The following SH3RF3 variants were observed in gnomAD, a reference collection of about 807,000 sequenced individuals.
SH3RF3 encodes E3 ubiquitin-protein ligase SH3RF3.
SH3RF3 carries 29 observed loss-of-function variants against 66.3 expected under a neutral mutation model. The ratio of observed to expected loss-of-function variants is 0.44; its 90% CI spans 0.33 to 0.60. The LOEUF is 0.60. Ranked by LOEUF, SH3RF3 falls within the 20% of genes least tolerant of loss-of-function variation. The pLI, the probability that SH3RF3 is intolerant of heterozygous loss-of-function variation, is 0.04. For synonymous variants in SH3RF3, 583 were observed against 532.0 expected (o/e 1.10, Z -1.32); for missense variants, 1,194 against 1,190.9 (o/e 1.00, Z -0.04).
intron 1 of SH3RF3, among the ~76,000 whole-genome samples, chr2:109,306,962 A>G (rs892092856): frequency 3.9e-5 from 6 of 152,210 alleles, no homozygotes; most frequent in African/African-American, 1.4e-4. Flanking sequence ...TTTTTGCTCA[A>G]TTGCTTGCCG....
chr2:109,486,333 T>C (rs1159436192), intron 8 of SH3RF3, among the ~76,000 whole-genome samples: 1 of 152,168 alleles, frequency 6.6e-6, no homozygotes, highest in South Asian at 2.1e-4. Flanking sequence ...TGATTGTTTC[T>C]TTGTATACAG....
At chr2:109,348,191 A>G (rs1350387317) in intron 2 of SH3RF3, among the ~76,000 whole-genome samples, 1 of 152,244 alleles carries the variant, frequency 6.6e-6, no homozygotes, top group Non-Finnish European at 1.5e-5. Context: ...GCCCAGAGCT[A>G]CATAGGAGCT....
intron 8 of SH3RF3, among the ~76,000 whole-genome samples, chr2:109,479,840 C>A (rs770911394): frequency 2.6e-5 from 4 of 152,136 alleles, no homozygotes; most frequent in African/African-American, 4.8e-5. Flanking sequence ...ATGAAGACCC[C>A]GGGACTCACT....
chr2:109,359,500 T>C (rs888729294), intron 2 of SH3RF3, among the ~76,000 whole-genome samples: 2 of 152,262 alleles, frequency 1.3e-5, no homozygotes, highest in African/African-American at 4.8e-5. Flanking sequence ...GTTACACTTA[T>C]ACTTAAGTAT....
At chr2:109,407,060 A>C (rs536573518) in intron 4 of SH3RF3, among the ~76,000 whole-genome samples, 1 of 152,310 alleles carries the variant, frequency 6.6e-6, no homozygotes, top group South Asian at 2.1e-4. Context: ...TGCTGTGTGC[A>C]AGCATATACC....
intron 6 of SH3RF3, among the ~76,000 whole-genome samples, chr2:109,435,650 G>T (rs1481621451): frequency 6.6e-6 from 1 of 152,256 alleles, no homozygotes; most frequent in Non-Finnish European, 1.5e-5. Context: ...CATGAGGGCA[G>T]AGGGAAAGGG....
chr2:109,248,668 G>A (rs994208298), intron 1 of SH3RF3, among the ~76,000 whole-genome samples: 12 of 152,176 alleles, frequency 7.9e-5, no homozygotes, highest in African/African-American at 2.9e-4. Context: ...CTTGGTGAGT[G>A]AAGAGAAAAA....
chr2:109,403,677 G>C (rs1421988547), intron 4 of SH3RF3, among the ~76,000 whole-genome samples: 1 of 152,222 alleles, frequency 6.6e-6, no homozygotes, highest in Non-Finnish European at 1.5e-5. Context: ...GCAGGGTGCT[G>C]GGGTGGAGGT....
chr2:109,222,294 T>G (rs1370043828), intron 1 of SH3RF3, among the ~76,000 whole-genome samples: 1 of 152,168 alleles, frequency 6.6e-6, no homozygotes, highest in Non-Finnish European at 1.5e-5. Flanking sequence ...GCAGGGTGAT[T>G]AGTTAACAAC....
intron 6 of SH3RF3, among the ~76,000 whole-genome samples, chr2:109,435,584 C>G (rs770203865): frequency 1.3e-5 from 2 of 152,142 alleles, no homozygotes; most frequent in African/African-American, 2.4e-5. Flanking sequence ...TGGCTCTTCC[C>G]GTGAGGGCAC....
intron 5 of SH3RF3, among the ~76,000 whole-genome samples, chr2:109,430,157 G>A (rs1677153609): frequency 6.6e-6 from 1 of 152,204 alleles, no homozygotes; most frequent in Non-Finnish European, 1.5e-5. Flanking sequence ...CCAACTAAAA[G>A]GAGCTGTTGG....
chr2:109,189,512 G>A (rs1272937597), intron 1 of SH3RF3, among the ~76,000 whole-genome samples: 2 of 151,876 alleles, frequency 1.3e-5, no homozygotes, highest in African/African-American at 4.8e-5. Context: ...GGGATTACAG[G>A]CACACACCAC....
intron 1 of SH3RF3, among the ~76,000 whole-genome samples, chr2:109,250,333 T>C (rs1343546353): frequency 1.3e-5 from 2 of 152,098 alleles, no homozygotes; most frequent in African/African-American, 4.8e-5. Flanking sequence ...TTTCTAAACA[T>C]GCACAAGCTA....
chr2:109,450,049 A>T (rs1227213615), intron 8 of SH3RF3, among the ~76,000 whole-genome samples: 2 of 152,184 alleles, frequency 1.3e-5, no homozygotes, highest in African/African-American at 4.8e-5. Flanking sequence ...TGCTGATTTC[A>T]TAAAAGAAAA....
chr2:109,168,085 A>G (rs1478198228), intron 1 of SH3RF3, among the ~76,000 whole-genome samples: 2 of 152,182 alleles, frequency 1.3e-5, no homozygotes, highest in African/African-American at 4.8e-5. Flanking sequence ...CATCCTACAC[A>G]CCCAATTAAG....
intron 1 of SH3RF3, among the ~76,000 whole-genome samples, chr2:109,188,224 T>C (rs1225261122): frequency 2.0e-5 from 3 of 152,244 alleles, no homozygotes; most frequent in African/African-American, 7.2e-5. Context: ...AGCTTTGCCA[T>C]GTAGCAGGGG....
At chr2:109,260,099 G>A (rs1207246332) in intron 1 of SH3RF3, among the ~76,000 whole-genome samples, 2 of 152,076 alleles carry the variant, frequency 1.3e-5, no homozygotes, top group African/African-American at 2.4e-5. Flanking sequence ...AGAGTAGAGA[G>A]GCTCTCTGGG....
chr2:109,442,698 CTAAA>C (rs1559086180), intron 7 of SH3RF3, among the ~76,000 whole-genome samples: 2 of 151,832 alleles, frequency 1.3e-5, no homozygotes, highest in Non-Finnish European at 2.9e-5. Context: ...TAAGCAGTCA[CTAAA>C]TATGAAACAA....
rs142007361 is a variant in SH3RF3 at position 109,426,978 on chromosome 2, ATTTT to A, written c.1404-5517_1404-5514del. On this transcript the variant is annotated intron_variant, in intron 5 of 9. Transcript: ENST00000309415. ...AGGGCAATAAAATATATATATATAT[ATTTT>A]TTTTTGAGACGAGTCTCGCTCTGTC... is the stretch of plus-strand genomic sequence containing the variant. Among the ~76,000 whole-genome samples the A allele has an allele frequency of 3.0e-3, 446 of 148,732 alleles. 2 individuals carry two copies. The highest frequency in any genetic ancestry group is 0.011 in the African/African-American group (433 of 39,638).
Sources: allele counts gnomAD v4.1 joint callset (sites outside exome capture counted in the v4.1 genomes callset), GRCh38; gene constraint gnomAD v4.1.1; transcripts MANE v1.5; gene names NCBI Gene and HGNC (gene_info 2026-07-23, HGNC 2026-07-21).